KCNMB2: variants seen among roughly 807,000 people sequenced by gnomAD.
KCNMB2 encodes the protein calcium-activated potassium channel subunit beta-2.
KCNMB2 carries 9 observed loss-of-function variants against 24.5 expected under a neutral mutation model. The observed-to-expected ratio is 0.37, with a 90% CI of 0.22 to 0.64. The LOEUF is 0.64. Ranked by LOEUF, KCNMB2 falls within the 30% of genes least tolerant of loss-of-function variation. The pLI is 0.63. For synonymous variants in KCNMB2, 109 were observed against 104.4 expected (o/e 1.04, Z -0.27); for missense variants, 226 against 284.3 (o/e 0.79, Z 1.47).
intron 1 of KCNMB2, among the ~76,000 whole-genome samples, chr3:178,635,379 A>C (rs1213654540): frequency 6.6e-6 from 1 of 151,410 alleles, no homozygotes; most frequent in Admixed American, 6.6e-5. Context: ...TGCAATAATT[A>C]TAATATCCCT....
intron 1 of KCNMB2, among the ~76,000 whole-genome samples, chr3:178,726,853 T>C (rs1317668153): frequency 2.6e-5 from 4 of 152,096 alleles, no homozygotes; most frequent in South Asian, 2.1e-4. Context: ...ACTATTTTTA[T>C]TAATTTGTCT....
chr3:178,545,033 C>A (rs1715733189), intron 1 of KCNMB2, among the ~76,000 whole-genome samples: 1 of 152,164 alleles, frequency 6.6e-6, no homozygotes, highest in Admixed American at 6.6e-5. Context: ...GACTGCTTGA[C>A]TGGGGATTTA....
intron 1 of KCNMB2, among the ~76,000 whole-genome samples, chr3:178,625,112 G>T (rs930149214): frequency 5.9e-5 from 9 of 152,066 alleles, no homozygotes; most frequent in African/African-American, 2.2e-4. Context: ...TGCACCCTCT[G>T]CCTGGCCCTT....
intron 1 of KCNMB2, among the ~76,000 whole-genome samples, chr3:178,590,174 C>T (rs1051008479): frequency 6.6e-6 from 1 of 152,124 alleles, no homozygotes; most frequent in African/African-American, 2.4e-5. Flanking sequence ...TTCCTCTTAT[C>T]CTCCTTCCTT....
intron 1 of KCNMB2, among the ~76,000 whole-genome samples, chr3:178,693,407 T>C (rs575579123): frequency 3.2e-4 from 49 of 152,308 alleles, no homozygotes; most frequent in African/African-American, 1.2e-3. Context: ...ACTCTTATAA[T>C]TTTGAGGTAT....
At chr3:178,833,848 T>C (rs954570132) in intron 4 of KCNMB2, among the ~76,000 whole-genome samples, 2 of 152,188 alleles carry the variant, frequency 1.3e-5, no homozygotes, top group Admixed American at 6.5e-5. Flanking sequence ...TAAACTGTCA[T>C]GCTCTCCTGG....
At chr3:178,689,294 T>C (rs1466622299) in intron 1 of KCNMB2, among the ~76,000 whole-genome samples, 1 of 152,132 alleles carries the variant, frequency 6.6e-6, no homozygotes, top group Non-Finnish European at 1.5e-5. Context: ...TTGTGTACTG[T>C]TAAAAAGGGT....
chr3:178,572,644 T>C (rs923596367), intron 1 of KCNMB2, among the ~76,000 whole-genome samples: 2 of 152,182 alleles, frequency 1.3e-5, no homozygotes, highest in Admixed American at 6.5e-5. Flanking sequence ...TCTGCATCTT[T>C]AAAAATAAAA....
intron 1 of KCNMB2, among the ~76,000 whole-genome samples, chr3:178,647,669 T>C (rs1719965073): frequency 6.6e-6 from 1 of 152,196 alleles, no homozygotes; most frequent in Non-Finnish European, 1.5e-5. Flanking sequence ...TAAGTAGGCT[T>C]CCCTTCATGA....
chr3:178,564,879 A>C (rs1009828615), intron 1 of KCNMB2, among the ~76,000 whole-genome samples: 1 of 152,330 alleles, frequency 6.6e-6, no homozygotes, highest in South Asian at 2.1e-4. Flanking sequence ...TCATTGCAGC[A>C]TTATTTGTAA....
chr3:178,748,420 T>G (rs1277811606), intron 1 of KCNMB2: 1 of 152,198 alleles, frequency 6.6e-6, no homozygotes, highest in African/African-American at 2.4e-5. Context: ...ATAGATCTTA[T>G]CAGCTCACAT....
At chr3:178,578,053 A>G (rs1476960738) in intron 1 of KCNMB2, among the ~76,000 whole-genome samples, 2 of 152,212 alleles carry the variant, frequency 1.3e-5, no homozygotes, top group African/African-American at 4.8e-5. Context: ...CCTTGAGAAG[A>G]GCAACCCCAA....
chr3:178,826,869 C>G (rs1374287316), intron 3 of KCNMB2, among the ~76,000 whole-genome samples: 1 of 152,216 alleles, frequency 6.6e-6, no homozygotes, highest in African/African-American at 2.4e-5. Flanking sequence ...TATGAAAGTG[C>G]TGATGCCTCA....
chr3:178,586,280 C>T (rs1577029322), intron 1 of KCNMB2, among the ~76,000 whole-genome samples: 1 of 152,092 alleles, frequency 6.6e-6, no homozygotes, highest in African/African-American at 2.4e-5. Flanking sequence ...GCTGCAAACA[C>T]CAGCAGAGAG....
Position 178,719,774 on chromosome 3 carries a change from T to C in KCNMB2, c.-67-87569T>C, listed in dbSNP as rs185412949. The stretch of plus-strand genomic sequence containing the variant: ...TGACTCTTTTTTTGGTGTTTGATTC[T>C]GTACATTTTAATACACATAGTGTGT... On this transcript the variant is annotated intron_variant, in intron 1 of 4. Transcript: ENST00000452583. Among the ~76,000 whole-genome samples the C allele has an allele frequency of 9.2e-4, 140 of 152,292 alleles. 1 individual carries two copies. Among genetic ancestry groups the C allele is most frequent in the Non-Finnish European group, 1.4e-3 (94 of 68,022 alleles).
At chr3:178,588,651 A>G (rs536837130) in intron 1 of KCNMB2, among the ~76,000 whole-genome samples, 1 of 152,150 alleles carries the variant, frequency 6.6e-6, no homozygotes, top group African/African-American at 2.4e-5. Context: ...ATATGTATAT[A>G]TGAGTGGATA....
chr3:178,794,602 G>C (rs1157202394), intron 1 of KCNMB2, among the ~76,000 whole-genome samples: 1 of 152,202 alleles, frequency 6.6e-6, no homozygotes, highest in Non-Finnish European at 1.5e-5. Context: ...CAGTGCATAG[G>C]ATGATAGAAT....
At chr3:178,573,450 G>C (rs1312959934) in intron 1 of KCNMB2, among the ~76,000 whole-genome samples, 1 of 152,028 alleles carries the variant, frequency 6.6e-6, no homozygotes, top group Non-Finnish European at 1.5e-5. Context: ...CCAAAGATTT[G>C]ATTTGGCTGT....
At chr3:178,794,934 G>A (rs927514418) in intron 1 of KCNMB2, among the ~76,000 whole-genome samples, 1 of 152,144 alleles carries the variant, frequency 6.6e-6, no homozygotes, top group African/African-American at 2.4e-5. Context: ...GGCTATTGTG[G>A]GAGATGCTGG....
Sources: gnomAD v4.1 joint callset for allele counts (sites outside exome capture counted in the v4.1 genomes callset) on GRCh38, gnomAD v4.1.1 for gene constraint, MANE v1.5 for transcripts, NCBI Gene and HGNC (gene_info 2026-07-23, HGNC 2026-07-21) for gene names.